The following CPQ variants were observed in gnomAD, a reference collection of about 807,000 sequenced individuals.
CPQ encodes Ser-Met dipeptidase.
Under a neutral mutation model 45.7 loss-of-function variants are expected in CPQ, and 37 were observed. That is an observed-to-expected ratio of 0.81 (90% CI 0.62 to 1.07). CPQ has a LOEUF of 1.07. CPQ is among the 50% of genes least tolerant of loss of function. The pLI is 0.00. For synonymous variants in CPQ, 186 were observed against 205.8 expected (o/e 0.90, Z 0.82); for missense variants, 537 against 572.9 (o/e 0.94, Z 0.64).
At chr8:97,085,943 G>T (rs1396465333) in intron 7 of CPQ, among the ~76,000 whole-genome samples, 2 of 152,132 alleles carry the variant, frequency 1.3e-5, no homozygotes, top group African/African-American at 4.8e-5. Flanking sequence ...ACTGTTTATT[G>T]AAAAGTAGCA....
chr8:96,673,951 C>T (rs1357723122), intron 1 of CPQ, among the ~76,000 whole-genome samples: 2 of 148,954 alleles, frequency 1.3e-5, no homozygotes, highest in Non-Finnish European at 3.0e-5. Flanking sequence ...CGTGACAAGA[C>T]TTTTCTATTA....
intron 5 of CPQ, among the ~76,000 whole-genome samples, chr8:97,001,769 A>G (rs570508036): frequency 4.6e-4 from 53 of 116,464 alleles, no homozygotes; most frequent in African/African-American, 1.8e-3. Flanking sequence ...CTTTGTTATC[A>G]GGATAACACT....
rs1260024617 is a variant in CPQ at position 97,122,966 on chromosome 8, TAAAA to T, written c.1256-20053_1256-20050del. On this transcript the variant is annotated intron_variant, in intron 7 of 7. Coordinates refer to ENST00000220763, the MANE Select transcript of CPQ (RefSeq NM_016134.4). ...TAAAATAAAATAAAATAAAATAAAA[TAAAA>T]TAAAATAAAATTAAAATAAAATAAA... Among the ~76,000 whole-genome samples, 345 of 57,350 alleles carry T rather than the reference TAAAA, an allele frequency of 6.0e-3. 13 individuals are homozygous for T. The highest frequency in any genetic ancestry group is 7.2e-3 in the Non-Finnish European group (261 of 36,458). 37.6% of individuals were successfully genotyped at this position (57,350 alleles called of 152,430 possible).
intron 1 of CPQ, among the ~76,000 whole-genome samples, chr8:96,726,575 A>G (rs1292389513): frequency 2.6e-5 from 4 of 151,870 alleles, no homozygotes; most frequent in East Asian, 3.9e-4. Flanking sequence ...GGTGCTACAC[A>G]CTCTTAAATG....
In CPQ at chr8:96,726,881, T is replaced by C. The variant is rs547963449; in HGVS notation, c.-34-57983T>C. 4.6e-5 allele frequency among the ~76,000 whole-genome samples: 7 copies of C among 151,196 alleles called. No individual in the cohort carries two copies. In the South Asian group the frequency reaches 1.5e-3, roughly 31 times the overall value. ...GACTATGCAGAGAGTCCACACCAGA[T>C]GTGACCTCTTGACTTTGGACTTCTC... is the stretch of plus-strand genomic sequence containing the variant. On this transcript the variant is annotated intron_variant, in intron 1 of 7. Coordinates refer to ENST00000220763, the MANE Select transcript of CPQ (RefSeq NM_016134.4).
chr8:97,039,791 T>C (rs1484867823), intron 6 of CPQ, among the ~76,000 whole-genome samples: 1 of 152,206 alleles, frequency 6.6e-6, no homozygotes, highest in African/African-American at 2.4e-5. Flanking sequence ...GCTTCATCCA[T>C]GTCCCTACAA....
intron 1 of CPQ, among the ~76,000 whole-genome samples, chr8:96,667,124 G>T (rs529302974): frequency 6.6e-6 from 1 of 151,894 alleles, no homozygotes; most frequent in Non-Finnish European, 1.5e-5. Context: ...CCCGCCATTT[G>T]GACATTACAG....
At chr8:96,960,985 G>T (rs1813450971) in intron 4 of CPQ, among the ~76,000 whole-genome samples, 1 of 152,036 alleles carries the variant, frequency 6.6e-6, no homozygotes, top group South Asian at 2.1e-4. Flanking sequence ...TTTTCAGTTT[G>T]AGAACTTCTG....
At chr8:96,855,708 A>G (rs1225626865) in intron 3 of CPQ, among the ~76,000 whole-genome samples, 1 of 152,218 alleles carries the variant, frequency 6.6e-6, no homozygotes, top group Non-Finnish European at 1.5e-5. Flanking sequence ...CATCTTACTT[A>G]CTAGTGGGGA....
intron 3 of CPQ, among the ~76,000 whole-genome samples, chr8:96,861,625 C>T (rs1811927169): frequency 6.6e-6 from 1 of 152,102 alleles, no homozygotes; most frequent in Non-Finnish European, 1.5e-5. Context: ...GGAGATACAT[C>T]TAAAACAGAT....
At chr8:96,915,110 C>G (rs1270284620) in intron 4 of CPQ, among the ~76,000 whole-genome samples, 1 of 152,122 alleles carries the variant, frequency 6.6e-6, no homozygotes, top group African/African-American at 2.4e-5. Flanking sequence ...AATCAAAGAG[C>G]CAGAGAACTG....
At chr8:96,761,373 A>G (rs1810403449) in intron 1 of CPQ, 1 of 152,242 alleles carries the variant, frequency 6.6e-6, no homozygotes. Flanking sequence ...TTCTGCACCT[A>G]TGCTCTAAGC....
At chr8:96,845,372 C>T (rs1811670667) in intron 3 of CPQ, among the ~76,000 whole-genome samples, 1 of 152,166 alleles carries the variant, frequency 6.6e-6, no homozygotes, top group Admixed American at 6.5e-5. Flanking sequence ...ATTGCTGGCA[C>T]AGGGCAGGTA....
At chr8:96,927,914 G>C (rs1812914296) in intron 4 of CPQ, among the ~76,000 whole-genome samples, 1 of 152,136 alleles carries the variant, frequency 6.6e-6, no homozygotes. Flanking sequence ...TTTTCTCTCT[G>C]GAATTTAATT....
At chr8:96,880,576 T>TATATATATATATACATAC (rs1359946797) in intron 4 of CPQ, among the ~76,000 whole-genome samples, 1 of 83,190 alleles carries the variant, frequency 1.2e-5, no homozygotes, top group Non-Finnish European at 2.5e-5. Flanking sequence ...TATATATATA[T>TATATATATATATACATAC]ACCATGGAAT....
chr8:96,871,546 T>G (rs922757785), intron 3 of CPQ, among the ~76,000 whole-genome samples: 2 of 150,792 alleles, frequency 1.3e-5, no homozygotes, highest in African/African-American at 2.4e-5. Context: ...TTTTTTTTTT[T>G]TTTTTTTTTT....
intron 5 of CPQ, among the ~76,000 whole-genome samples, chr8:96,987,693 C>T (rs1268369250): frequency 6.6e-6 from 1 of 152,204 alleles, no homozygotes; most frequent in Non-Finnish European, 1.5e-5. Context: ...CCATCTTAAA[C>T]ATCACATTAC....
chr8:96,889,514 G>A (rs374832416), intron 4 of CPQ, among the ~76,000 whole-genome samples: 72 of 152,282 alleles, frequency 4.7e-4, no homozygotes, highest in African/African-American at 1.7e-3. Context: ...TAGGATATAT[G>A]TGTATATGAA....
chr8:97,113,815 G>A (rs1413689938), intron 7 of CPQ, among the ~76,000 whole-genome samples: 1 of 152,204 alleles, frequency 6.6e-6, no homozygotes, highest in Non-Finnish European at 1.5e-5. Flanking sequence ...AGAAAAATGT[G>A]TTCATGTGCT....
Sources: allele counts gnomAD v4.1 joint callset (sites outside exome capture counted in the v4.1 genomes callset), GRCh38; gene constraint gnomAD v4.1.1; transcripts MANE v1.5; gene names NCBI Gene and HGNC (gene_info 2026-07-23, HGNC 2026-07-21).